Variants in ATP2C1 observed in about 807,000 individuals in gnomAD.
ATP2C1 encodes the protein ATPase secretory pathway Ca2+ transporting 1.
Under a neutral mutation model 120.5 loss-of-function variants are expected in ATP2C1, and 31 were observed. That is an observed-to-expected ratio of 0.26 (90% CI 0.19 to 0.35). ATP2C1 has a LOEUF of 0.35. ATP2C1 is among the 10% of genes least tolerant of loss of function. The probability of loss-of-function intolerance (pLI) is 1.00; values close to 1 mark genes in which losing one functional copy is unlikely to be tolerated. For missense variants in ATP2C1, 731 were observed against 1,107.5 expected (o/e 0.66, Z 4.83); for synonymous variants, 351 against 358.7 (o/e 0.98, Z 0.24).
In ATP2C1 at chr3:130,937,180, A is replaced by G. The variant is rs2108410097; in HGVS notation, c.325-248A>G. ...TAACCCACTTAAAAGCTGGTCCTCA[A>G]TTTGTGAGAGCATAAAAGGGCCCTG... On this transcript the variant is annotated intron_variant, in intron 5 of 27. Transcript: ENST00000510168. Among the ~76,000 whole-genome samples, 4 of 152,290 alleles carry G rather than the reference A, an allele frequency of 2.6e-5. 1 individual carries two copies. In the South Asian group the frequency reaches 8.3e-4, roughly 32 times the overall value.
chr3:130,919,074 C>A, intron 2 of ATP2C1: 1 of 482,102 alleles, frequency 2.1e-6, no homozygotes, highest in Non-Finnish European at 4.1e-6. Context: ...GGTGCACGGC[C>A]CTCCCGCAGA....
At chr3:130,937,498 TG>T in intron 6 of ATP2C1, 35 bp downstream of exon 6, 3 of 1,578,924 alleles carry the variant, frequency 1.9e-6, no homozygotes, top group Non-Finnish European at 2.6e-6. Context: ...GAAAATGGTA[TG>T]TTAATTGCTT....
intron 12 of ATP2C1, 27 bp from the exon 13 acceptor site, chr3:130,963,944 T>C: frequency 6.2e-7 from 1 of 1,611,986 alleles, no homozygotes; most frequent in Non-Finnish European, 8.5e-7. Context: ...AACCTACATT[T>C]TAATACTTTG....
intron 3 of ATP2C1, 76 bp from the exon 4 acceptor site, chr3:130,931,946 T>G: frequency 1.1e-6 from 1 of 920,180 alleles, no homozygotes; most frequent in Non-Finnish European, 1.8e-6. Context: ...TGATAATACA[T>G]TATATTATGT....
intron 1 of ATP2C1, among the ~76,000 whole-genome samples, chr3:130,887,114 AC>A (rs1285134637): frequency 6.6e-6 from 1 of 152,114 alleles, no homozygotes; most frequent in East Asian, 1.9e-4. Flanking sequence ...CTTGGATAAA[AC>A]CCTGAAGAAT....
intron 1 of ATP2C1, among the ~76,000 whole-genome samples, chr3:130,879,933 T>A (rs1224517669): frequency 1.3e-5 from 2 of 152,172 alleles, no homozygotes; most frequent in African/African-American, 4.8e-5. Context: ...GGGTGCATGA[T>A]GACCTCATCG....
chr3:130,982,146 T>C (rs188292390), intron 20 of ATP2C1, among the ~76,000 whole-genome samples: 7 of 152,336 alleles, frequency 4.6e-5, no homozygotes, highest in Admixed American at 4.6e-4. Context: ...TTTTATAGTT[T>C]TGGGTTTTAT....
chr3:130,990,757 G>A (rs1419136273), intron 20 of ATP2C1, among the ~76,000 whole-genome samples: 1 of 152,140 alleles, frequency 6.6e-6, no homozygotes, highest in Non-Finnish European at 1.5e-5. Context: ...GAGTAAGGTG[G>A]TTGAATTCTG....
chr3:130,977,310 T>C (rs1187542707), intron 18 of ATP2C1, among the ~76,000 whole-genome samples: 1 of 152,226 alleles, frequency 6.6e-6, no homozygotes, highest in Non-Finnish European at 1.5e-5. Flanking sequence ...TGCACTTATT[T>C]ATTTTTTAAA....
rs1234141188 is a variant in ATP2C1, at chr3:130,999,380, T to A, written c.2488-138T>A. 3 of 779,124 alleles carry A rather than the reference T, an allele frequency of 3.9e-6. No homozygotes were observed. In the African/African-American group the frequency reaches 5.2e-5, roughly 14 times the overall value. The allele number at this position is 779,124 out of a possible 1,614,324, so 48.3% of individuals were successfully genotyped here. On this transcript the variant is annotated intron_variant, in intron 26 of 27. Transcript: ENST00000510168. ...AATTATTCCAAAACAGTAGTAAAAT[T>A]TAAGATATTTCATAGAATTGACATT... is the stretch of plus-strand genomic sequence containing the variant.
intron 17 of ATP2C1, among the ~76,000 whole-genome samples, chr3:130,972,779 A>G (rs1045568897): frequency 2.6e-5 from 4 of 151,756 alleles, no homozygotes; most frequent in Non-Finnish European, 5.9e-5. Context: ...CCATGTCCCT[A>G]CAAAGGACAT....
chr3:130,956,190 A>C lies in ATP2C1; in HGVS notation c.832+11A>C, dbSNP rs199678093. The C allele has an allele frequency of 6.6e-7, 1 of 1,518,856 alleles. No homozygotes were observed. The highest frequency in any genetic ancestry group is 2.3e-5 in the East Asian group (1 of 44,266). The allele number at this position is 1,518,856 out of a possible 1,614,324, so 94.1% of individuals were successfully genotyped here. ...CCTTTGGTATAATAGGTAAGAGAAG[A>C]GTGAGTATGTATATATTTTTATTTG... On this transcript the variant is annotated intron_variant, in intron 11 of 27. Coordinates refer to ENST00000510168, the MANE Select transcript of ATP2C1 (RefSeq NM_001378687.1).
rs758950639 is a variant in ATP2C1 at position 130,932,042 on chromosome 3, A to G, written c.138A>G (p.Leu46=). Reference sequence around the variant, plus strand: ...AATAGGCTGATCTTCAGAATGGTCTAAACAAATGTGAAGTTAGTCATAGGC... The same window carrying G: ...AATAGGCTGATCTTCAGAATGGTCTGAACAAATGTGAAGTTAGTCATAGGC... ...SILQADLQNG[L]NKCEVSHRRA... is the part of the protein sequence containing the mutation. The change falls in exon 4 of 28, where the codon CTA becomes CTG. Residue 46 remains leucine, a synonymous_variant. Transcript: ENST00000510168. The G allele has an allele frequency of 6.2e-7, 1 of 1,611,526 alleles. No homozygotes were observed. The highest frequency in any genetic ancestry group is 1.1e-5 in the South Asian group (1 of 91,024).
At position 130,925,921 on chromosome 3, in the gene ATP2C1, G is replaced by T. The variant is rs375629933; in HGVS notation, c.7-4495G>T. ...AAGTGGGGGAAAGCTGGCAGTCACA[G>T]ACCTTACCTTGCTTCCATGCAACCT... On this transcript the variant is annotated intron_variant, in intron 2 of 27. Transcript: ENST00000510168. 3.3e-5 allele frequency among the ~76,000 whole-genome samples: 5 copies of T among 152,284 alleles called. No individual in the cohort carries two copies. The East Asian group carries it at 9.6e-4, about 29-fold the overall frequency.
chr3:130,973,580 G>C (rs542152784), intron 17 of ATP2C1, among the ~76,000 whole-genome samples: 2 of 152,192 alleles, frequency 1.3e-5, no homozygotes, highest in Admixed American at 6.5e-5. Context: ...GCTGGACAAA[G>C]GGATGATGTC....
exon 27 of ATP2C1, chr3:131,016,365 A>G: frequency 6.2e-7 from 1 of 1,613,558 alleles, no homozygotes; most frequent in Non-Finnish European, 8.5e-7. Flanking sequence ...GCCCAAGGGC[A>G]GTATTTCTAA....
chr3:130,860,194 C>T (rs1292805319), intron 1 of ATP2C1, among the ~76,000 whole-genome samples: 1 of 151,952 alleles, frequency 6.6e-6, no homozygotes, highest in Non-Finnish European at 1.5e-5. Flanking sequence ...ATTTGCTATC[C>T]CATTCCATGT....
rs895876974 is a variant in ATP2C1 at position 130,877,555 on chromosome 3, A to C, written c.108+26627A>C. On this transcript the variant is annotated intron_variant, in intron 1 of 26. Transcript: ENST00000504381. ...ATGAAAAAATGCTCATCATCACTGGACATCAGAGAAATGCAAATCAAAACC... is the reference window on the plus strand; with the variant it reads ...ATGAAAAAATGCTCATCATCACTGGCCATCAGAGAAATGCAAATCAAAACC... Among the ~76,000 whole-genome samples the C allele has an allele frequency of 9.2e-5, 14 of 152,276 alleles. No individual in the cohort carries two copies. The East Asian group carries it at 2.1e-3, about 23-fold the overall frequency.
At chr3:130,985,321 G>A (rs981814581) in intron 20 of ATP2C1, among the ~76,000 whole-genome samples, 5 of 152,044 alleles carry the variant, frequency 3.3e-5, no homozygotes, top group African/African-American at 7.2e-5. Context: ...TTAAAATAGC[G>A]GAAAAGGAAA....
Sources: allele counts gnomAD v4.1 joint callset (sites outside exome capture counted in the v4.1 genomes callset), GRCh38; gene constraint gnomAD v4.1.1; transcripts MANE v1.5; gene names NCBI Gene and HGNC (gene_info 2026-07-23, HGNC 2026-07-21).